Variants in NAALADL2 observed in about 807,000 individuals in gnomAD.
NAALADL2 encodes the protein N-acetylated alpha-linked acidic dipeptidase like 2, also known as inactive N-acetylated-alpha-linked acidic dipeptidase-like protein 2.
In NAALADL2, 76 loss-of-function variants were observed where a neutral mutation model predicts 87.2. The ratio of observed to expected loss-of-function variants is 0.87; its 90% CI spans 0.72 to 1.05. NAALADL2 has a LOEUF of 1.05. Ranked by LOEUF, NAALADL2 falls within the 50% of genes least tolerant of loss-of-function variation. The pLI, the probability that NAALADL2 is intolerant of heterozygous loss-of-function variation, is 0.00. For missense variants in NAALADL2, 1,089 were observed against 945.8 expected, an observed-to-expected ratio of 1.15 and a Z score of -1.99; for synonymous variants, 354 against 331.0, an observed-to-expected ratio of 1.07 and a Z score of -0.75.
intron 1 of NAALADL2, among the ~76,000 whole-genome samples, chr3:174,872,991 G>A (rs1427023240): frequency 1.3e-5 from 2 of 152,092 alleles, no homozygotes; most frequent in African/African-American, 4.8e-5. Flanking sequence ...CCTCCTCACA[G>A]TGAGAACTAA....
At chr3:174,982,681 T>C (rs1745273460) in intron 1 of NAALADL2, among the ~76,000 whole-genome samples, 1 of 152,244 alleles carries the variant, frequency 6.6e-6, no homozygotes, top group Non-Finnish European at 1.5e-5. Flanking sequence ...CAATAAATGC[T>C]AGATTTCATG....
intron 1 of NAALADL2, among the ~76,000 whole-genome samples, chr3:174,985,332 T>G (rs1053583795): frequency 6.6e-6 from 1 of 152,222 alleles, no homozygotes; most frequent in Non-Finnish European, 1.5e-5. Context: ...TGTTGGTGAA[T>G]AAGAATCATA....
intron 2 of NAALADL2, among the ~76,000 whole-genome samples, chr3:175,219,363 C>T (rs989054888): frequency 2.0e-5 from 3 of 152,060 alleles, no homozygotes; most frequent in African/African-American, 7.2e-5. Context: ...CACCTTAAAT[C>T]TTTTTGCCAT....
intron 13 of NAALADL2, among the ~76,000 whole-genome samples, chr3:175,800,304 G>C (rs1301727175): frequency 1.4e-5 from 2 of 144,192 alleles, no homozygotes; most frequent in African/African-American, 2.7e-5. Flanking sequence ...ACTCCACCTG[G>C]GAGGTAATTT....
At chr3:175,797,417 ATG>A (rs1239920512) in intron 13 of NAALADL2, among the ~76,000 whole-genome samples, 14 of 152,306 alleles carry the variant, frequency 9.2e-5, no homozygotes, top group African/African-American at 1.2e-4. Context: ...AATTAGATCT[ATG>A]CTAACACAAT....
intron 2 of NAALADL2, among the ~76,000 whole-genome samples, chr3:174,650,626 C>T (rs548305642): frequency 1.4e-4 from 21 of 151,982 alleles, no homozygotes; most frequent in East Asian, 3.9e-4. Context: ...TAGTTACGGT[C>T]GTAATTGTTA....
chr3:175,021,202 A>G (rs542253007), intron 1 of NAALADL2, among the ~76,000 whole-genome samples: 3 of 152,130 alleles, frequency 2.0e-5, no homozygotes, highest in Admixed American at 6.6e-5. Flanking sequence ...CTCTTCACCG[A>G]ATATACGCAA....
intron 4 of NAALADL2, among the ~76,000 whole-genome samples, chr3:175,303,806 T>A (rs1441055941): frequency 6.6e-6 from 1 of 152,186 alleles, no homozygotes; most frequent in African/African-American, 2.4e-5. Flanking sequence ...AAGTCTGAAA[T>A]GATGTGACTT....
intron 2 of NAALADL2, among the ~76,000 whole-genome samples, chr3:174,724,317 T>C (rs1475514161): frequency 1.3e-5 from 2 of 152,212 alleles, no homozygotes. Context: ...ATATGCCATA[T>C]GCTGGGTAAA....
chr3:174,785,094 C>T (rs1350427316), intron 3 of NAALADL2, among the ~76,000 whole-genome samples: 2 of 151,962 alleles, frequency 1.3e-5, no homozygotes, highest in African/African-American at 4.8e-5. Flanking sequence ...TTGCGTGATG[C>T]TGAGGTTTGA....
intron 2 of NAALADL2, among the ~76,000 whole-genome samples, chr3:174,625,455 T>A (rs1415673117): frequency 1.3e-5 from 2 of 150,552 alleles, no homozygotes; most frequent in African/African-American, 4.9e-5. Context: ...TAAAAACCCA[T>A]AAAATACTGA....
chr3:175,410,444 A>G (rs1003185714), intron 5 of NAALADL2, among the ~76,000 whole-genome samples: 6 of 152,158 alleles, frequency 3.9e-5, no homozygotes, highest in African/African-American at 1.4e-4. Context: ...CTCCAAAGAA[A>G]AATTCAGGAA....
chr3:174,495,491 CCT>C (rs1423563992), intron 1 of NAALADL2, among the ~76,000 whole-genome samples: 7 of 152,132 alleles, frequency 4.6e-5, no homozygotes, highest in African/African-American at 1.4e-4. Context: ...CTCATTTCTC[CCT>C]GAGTATTGTG....
chr3:174,987,362 G>A (rs955720727), intron 1 of NAALADL2, among the ~76,000 whole-genome samples: 10 of 151,328 alleles, frequency 6.6e-5, no homozygotes, highest in African/African-American at 1.7e-4. Flanking sequence ...GAGGTCAGGA[G>A]ATCGAGACCA....
At position 175,677,102 on chromosome 3, in the gene NAALADL2, C is replaced by T. The variant is rs568077917; in HGVS notation, c.1896+49716C>T. On this transcript the variant is annotated intron_variant, in intron 11 of 13. Coordinates refer to ENST00000454872, the MANE Select transcript of NAALADL2 (RefSeq NM_207015.3). ...AGGACTGGCTGGGCATGGTGGTTCA[C>T]GCCTATAATCCTAGCACTTTGGGAG... Among the ~76,000 whole-genome samples, 77 of 152,220 alleles carry T rather than the reference C, an allele frequency of 5.1e-4. 4 individuals are homozygous for T. The highest frequency in any genetic ancestry group is 1.5e-3 in the Admixed American group (23 of 15,290).
chr3:174,539,448 T>C (rs1722022902), intron 1 of NAALADL2, among the ~76,000 whole-genome samples: 1 of 152,148 alleles, frequency 6.6e-6, no homozygotes, highest in Admixed American at 6.6e-5. Flanking sequence ...CATTTTATAG[T>C]GTGGACACTT....
rs10936867 is a variant in NAALADL2, at chr3:175,626,327, G to A, written c.1801-964G>A. On this transcript the variant is annotated intron_variant, in intron 10 of 13. Coordinates refer to ENST00000454872, the MANE Select transcript of NAALADL2 (RefSeq NM_207015.3). ...TCTTCTGGGTACTTTCTCTAGCATT[G>A]AAAATATGTCCATGTCAATGTTATC... is the stretch of plus-strand genomic sequence containing the variant. 6.8e-3 allele frequency among the ~76,000 whole-genome samples: 1,032 copies of A among 151,862 alleles called. 9 individuals are homozygous for A. The highest frequency in any genetic ancestry group is 0.024 in the African/African-American group (990 of 41,488).
chr3:175,716,871 T>G (rs572291538), intron 11 of NAALADL2, among the ~76,000 whole-genome samples: 1 of 152,274 alleles, frequency 6.6e-6, no homozygotes, highest in South Asian at 2.1e-4. Context: ...AGACTTACTT[T>G]CTGGTCCATA....
At position 174,888,813 on chromosome 3, in the gene NAALADL2, A is replaced by G. The variant is rs1029667721; in HGVS notation, c.43+29363A>G. 4.6e-5 allele frequency among the ~76,000 whole-genome samples: 7 copies of G among 152,370 alleles called. 2 individuals are homozygous for G. The Middle Eastern group carries it at 0.017, about 370-fold the overall frequency. ...TGGTGCTGTTTGAATTGTGTTTACC[A>G]TATCGGCATAAACATATAAATTGAG... On this transcript the variant is annotated intron_variant, in intron 1 of 13. Coordinates refer to ENST00000454872, the MANE Select transcript of NAALADL2 (RefSeq NM_207015.3).
Sources: allele counts gnomAD v4.1 joint callset (sites outside exome capture counted in the v4.1 genomes callset), GRCh38; gene constraint gnomAD v4.1.1; transcripts MANE v1.5; gene names NCBI Gene and HGNC (gene_info 2026-07-23, HGNC 2026-07-21).